Variants in CCND3 observed in about 807,000 individuals in gnomAD.
CCND3 encodes cyclin D3.
Under a neutral mutation model 28.7 loss-of-function variants are expected in CCND3, and 9 were observed. The ratio of observed to expected loss-of-function variants is 0.31; its 90% CI spans 0.19 to 0.55. CCND3 has a LOEUF of 0.55. Ranked by LOEUF, CCND3 falls within the 20% of genes least tolerant of loss-of-function variation. The pLI, the probability that CCND3 is intolerant of heterozygous loss-of-function variation, is 0.93. For missense variants in CCND3, 315 were observed against 385.8 expected (o/e 0.82, Z 1.54); for synonymous variants, 164 against 163.9 (o/e 1.00, Z 0.00).
At chr6:41,989,851 C>T (rs1049337378) in intron 1 of CCND3, among the ~76,000 whole-genome samples, 1 of 152,124 alleles carries the variant, frequency 6.6e-6, no homozygotes, top group African/African-American at 2.4e-5. Context: ...TGAAAACTTA[C>T]GTGCACACAA....
In CCND3 at chr6:42,032,988, A is replaced by T. The variant is rs146300950; in HGVS notation, c.-46+15513T>A. On this transcript the variant is annotated intron_variant, in intron 1 of 4. Transcript: ENST00000372988. ...TGCTGATAATAGAACTTTGAGAGTG[A>T]TGCCTCCCCAACTTAGTGCTTTTTA... 5.3e-3 allele frequency among the ~76,000 whole-genome samples: 806 copies of T among 152,278 alleles called. 2 individuals carry two copies. The highest frequency in any genetic ancestry group is 6.5e-3 in the Non-Finnish European group (445 of 68,004).
In CCND3 at chr6:41,941,256, T is replaced by C. The variant is rs953776543; in HGVS notation, c.198+196A>G. On this transcript the variant is annotated intron_variant, in intron 1 of 4. Transcript: ENST00000372991. The surrounding 1 kb of genome is among the most constrained non-coding windows in gnomAD (Gnocchi z 6.1). Reference sequence around the variant, plus strand: ...GGTGCCAAGTGACTGGCAGTCACTGTCGGGAGGAGCCGATTAGGGCTCGGG... The same window carrying C: ...GGTGCCAAGTGACTGGCAGTCACTGCCGGGAGGAGCCGATTAGGGCTCGGG... 7.0e-7 allele frequency: 1 copy of C among 1,434,586 alleles called. No homozygotes were observed. Among genetic ancestry groups the C allele is most frequent in the South Asian group, 1.5e-5 (1 of 67,136 alleles). The allele number at this position is 1,434,586 out of a possible 1,614,324, so 88.9% of individuals were successfully genotyped here.
In CCND3 at chr6:42,036,775, G is replaced by A. The variant is rs560983778; in HGVS notation, c.-46+11726C>T. On this transcript the variant is annotated intron_variant, in intron 1 of 4. Transcript: ENST00000372988. The stretch of plus-strand genomic sequence containing the variant: ...TCATATACATCAATGAAAACATATT[G>A]CAACAGATTAAATCAGAAACTGATG... 1.4e-4 allele frequency among the ~76,000 whole-genome samples: 22 copies of A among 151,878 alleles called. No individual in the cohort carries two copies. In the South Asian group the frequency reaches 3.3e-3, roughly 23 times the overall value.
chr6:42,034,468 C>CTCTT (rs1554168156), intron 1 of CCND3, among the ~76,000 whole-genome samples: 22 of 50,994 alleles, frequency 4.3e-4, no homozygotes, highest in South Asian at 2.0e-3. Flanking sequence ...CCCTGTCACT[C>CTCTT]TTTTTTTTTT....
At chr6:42,007,522 G>A (rs1456320069) in intron 1 of CCND3, among the ~76,000 whole-genome samples, 1 of 152,162 alleles carries the variant, frequency 6.6e-6, no homozygotes, top group Non-Finnish European at 1.5e-5. Context: ...GGGGTTAAAT[G>A]GTGAATGAAT....
chr6:42,032,410 G>A (rs116791473), intron 1 of CCND3, among the ~76,000 whole-genome samples: 91 of 152,300 alleles, frequency 6.0e-4, no homozygotes, highest in African/African-American at 2.2e-3. Flanking sequence ...TCTGCACTTA[G>A]AATTATTTAA....
At chr6:41,956,721 T>C (rs778323456) in intron 1 of CCND3, among the ~76,000 whole-genome samples, 3 of 152,112 alleles carry the variant, frequency 2.0e-5, no homozygotes, top group Non-Finnish European at 4.4e-5. Flanking sequence ...AAGATAGCCC[T>C]AATTGTTGTA....
chr6:42,040,378 A>G (rs1365881590), intron 1 of CCND3, among the ~76,000 whole-genome samples: 2 of 152,108 alleles, frequency 1.3e-5, no homozygotes, highest in African/African-American at 4.8e-5. Flanking sequence ...AGATCGTGCC[A>G]TTGCACTCCA....
intron 1 of CCND3, among the ~76,000 whole-genome samples, chr6:41,964,333 TGTGTGTG>T (rs1308124945): frequency 6.7e-6 from 1 of 149,534 alleles, no homozygotes; most frequent in African/African-American, 2.5e-5. Context: ...TGTGTGAATG[TGTGTGTG>T]AATGTGTGTG....
intron 1 of CCND3, among the ~76,000 whole-genome samples, chr6:41,975,827 T>C (rs1762163714): frequency 1.3e-5 from 2 of 151,850 alleles, no homozygotes; most frequent in African/African-American, 2.4e-5. Context: ...CAAGCCTTGA[T>C]TGGAAGCCAT....
upstream of CCND3, chr6:41,941,832 T>C (rs529511141): frequency 1.0e-3 from 286 of 283,694 alleles, no homozygotes; most frequent in Non-Finnish European, 1.5e-3. The surrounding 1 kb of genome is among the most constrained non-coding windows in gnomAD (Gnocchi z 6.1). Flanking sequence ...CTCGCGACGA[T>C]GTAGCAACCG....
chr6:41,993,554 G>C (rs1358067478), intron 1 of CCND3, among the ~76,000 whole-genome samples: 5 of 151,808 alleles, frequency 3.3e-5, no homozygotes, highest in Admixed American at 1.3e-4. Context: ...TGGATTACAG[G>C]CATGCGCCAC....
intron 1 of CCND3, among the ~76,000 whole-genome samples, chr6:42,045,136 G>C (rs1444420816): frequency 6.6e-6 from 1 of 151,818 alleles, no homozygotes; most frequent in East Asian, 1.9e-4. Flanking sequence ...AACTTCCAAG[G>C]AATCCCTTCC....
At chr6:42,035,269 C>A (rs1446928064) in intron 1 of CCND3, among the ~76,000 whole-genome samples, 1 of 152,194 alleles carries the variant, frequency 6.6e-6, no homozygotes, top group Non-Finnish European at 1.5e-5. Context: ...ATCTTCCTAC[C>A]AAATAATTAC....
chr6:41,936,062 C>T lies in CCND3; in HGVS notation c.757G>A (p.Glu253Lys). ...CQEQIEAALR[E>K]SLREASQTSS... The stretch of plus-strand genomic sequence containing the variant: ...GTCTGAGAGGCTTCCCTGAGGCTCT[C>T]CCTGAGTGCAGCTTCGATCTGCTCC... Residue 253 changes from glutamate (E) to lysine (K), a missense_variant, in exon 5 of 5, where the codon GAG (glutamate) becomes AAG (lysine). By Grantham distance (56) the Glu-to-Lys change is moderately conservative. Coordinates refer to ENST00000372991, the MANE Select transcript of CCND3 (RefSeq NM_001760.5). This position sits in a 1 kb window ranked among gnomAD's most constrained non-coding sequence, Gnocchi z 4.4. 2 of 1,611,930 alleles carry T rather than the reference C, an allele frequency of 1.2e-6. No individual in the cohort carries two copies. Among genetic ancestry groups the T allele is most frequent in the Non-Finnish European group, 1.7e-6 (2 of 1,178,850 alleles).
chr6:42,033,489 T>C (rs200805158), intron 1 of CCND3, among the ~76,000 whole-genome samples: 4 of 149,634 alleles, frequency 2.7e-5, no homozygotes, highest in South Asian at 2.1e-4. Context: ...TATGCACACA[T>C]ACACACACAC....
chr6:42,010,185 C>G (rs1050048804), intron 1 of CCND3, among the ~76,000 whole-genome samples: 8 of 152,142 alleles, frequency 5.3e-5, no homozygotes, highest in Non-Finnish European at 7.3e-5. Flanking sequence ...AGTCAGTGAC[C>G]TAGGTAGTAC....
chr6:42,048,583 A>G lies in CCND3; in HGVS notation c.-128T>C. On this transcript the variant is annotated 5_prime_UTR_variant, in exon 1 of 5. Coordinates refer to the CCND3 transcript ENST00000372988. The surrounding 1 kb of genome is among the most constrained non-coding windows in gnomAD (Gnocchi z 4.7). ...CCGCCTCCGGAGCCTGCCTTTGGGG[A>G]GTGGGGGTGGTCGCAACCACCAGCC... 1.9e-6 allele frequency: 1 copy of G among 514,608 alleles called. No homozygotes were observed. Among genetic ancestry groups the G allele is most frequent in the South Asian group, 1.4e-5 (1 of 70,722 alleles). 31.9% of individuals were successfully genotyped at this position (514,608 alleles called of 1,614,324 possible).
At chr6:42,034,645 C>G (rs78138774) in intron 1 of CCND3, among the ~76,000 whole-genome samples, 3 of 151,260 alleles carry the variant, frequency 2.0e-5, no homozygotes, top group African/African-American at 7.3e-5. Context: ...GCCCGGTTAT[C>G]TGTGTGTGTA....
Sources: gnomAD v4.1 joint callset for allele counts (sites outside exome capture counted in the v4.1 genomes callset) on GRCh38, gnomAD v4.1.1 for gene constraint, Gnocchi (gnomAD v3.1) non-coding constraint, MANE v1.5 for transcripts, NCBI Gene and HGNC (gene_info 2026-07-23, HGNC 2026-07-21) for gene names.